ZNF423: variants seen among roughly 807,000 people sequenced by gnomAD.
ZNF423 encodes the protein zinc finger protein 423.
A neutral mutation model predicts 95.8 loss-of-function variants in ZNF423; 12 were observed. The observed-to-expected ratio is 0.13, with a 90% CI of 0.08 to 0.20. The LOEUF (loss-of-function observed/expected upper bound fraction) is 0.20. ZNF423 is among the 10% of genes least tolerant of loss of function. The pLI, the probability that ZNF423 is intolerant of heterozygous loss-of-function variation, is 1.00. For synonymous variants in ZNF423, 749 were observed against 711.9 expected, an observed-to-expected ratio of 1.05 and a Z score of -0.83; for missense variants, 1,316 against 1,737.1, an observed-to-expected ratio of 0.76 and a Z score of 4.31.
At chr16:49,533,461 C>A (rs952033156) in intron 5 of ZNF423, among the ~76,000 whole-genome samples, 1 of 152,200 alleles carries the variant, frequency 6.6e-6, no homozygotes, top group African/African-American at 2.4e-5. Context: ...GTACTTTGCT[C>A]GCTCTCTCCT....
intron 2 of ZNF423, among the ~76,000 whole-genome samples, chr16:49,771,192 C>CT (rs71380376): frequency 0.022 from 1,957 of 89,478 alleles, 75 homozygotes; most frequent in African/African-American, 0.056. Flanking sequence ...TTTTTTTTTT[C>CT]TTTTTTTTTT....
At chr16:49,502,790 GACACACACAC>G (rs72202996) in intron 7 of ZNF423, among the ~76,000 whole-genome samples, 18,384 of 135,060 alleles carry the variant, frequency 0.14, 1,581 homozygotes, top group African/African-American at 0.23. Context: ...AAATACTCTA[GACACACACAC>G]ACACACACAC....
At chr16:49,565,136 C>A (rs908361219) in intron 5 of ZNF423, among the ~76,000 whole-genome samples, 1 of 152,158 alleles carries the variant, frequency 6.6e-6, no homozygotes, top group African/African-American at 2.4e-5. Flanking sequence ...TCTATCAGCA[C>A]GGCGCCGCAG....
intron 5 of ZNF423, among the ~76,000 whole-genome samples, chr16:49,556,499 G>A (rs1186027306): frequency 6.6e-6 from 1 of 152,138 alleles, no homozygotes; most frequent in Non-Finnish European, 1.5e-5. Context: ...GGCCCCCACA[G>A]CCCCCAGTTC....
intron 1 of ZNF423, among the ~76,000 whole-genome samples, chr16:49,806,711 A>C (rs2034668849): frequency 6.6e-6 from 1 of 150,986 alleles, no homozygotes; most frequent in Non-Finnish European, 1.5e-5. Context: ...TCTTCCTCAT[A>C]CTTTTTTTGT....
In ZNF423 at chr16:49,523,755, G is replaced by A. The variant is rs753927883; in HGVS notation, c.3734-16C>T. The A allele has an allele frequency of 1.9e-6, 3 of 1,607,558 alleles. No individual in the cohort carries two copies. The highest frequency in any genetic ancestry group is 1.7e-5 in the Admixed American group (1 of 60,012). On this transcript the variant is annotated splice_polypyrimidine_tract_variant and intron_variant, in intron 6 of 7. Coordinates refer to ENST00000563137, the MANE Select transcript of ZNF423 (RefSeq NM_001379286.1). ...TGGACGAAGACTAGACACAGACACGGCTGTCAGGGCCAAGCTCAGGACACC... is the reference window on the plus strand; with the variant it reads ...TGGACGAAGACTAGACACAGACACGACTGTCAGGGCCAAGCTCAGGACACC...
At chr16:49,545,200 G>A (rs112767478) in intron 5 of ZNF423, among the ~76,000 whole-genome samples, 110 of 152,338 alleles carry the variant, frequency 7.2e-4, no homozygotes, top group African/African-American at 2.5e-3. Flanking sequence ...TAAGCTGGAT[G>A]GAGGTGGCAT....
chr16:49,617,589 C>G (rs530063370), intron 5 of ZNF423, among the ~76,000 whole-genome samples: 94 of 152,322 alleles, frequency 6.2e-4, no homozygotes, highest in African/African-American at 2.0e-3. Flanking sequence ...ATCTCCCTCA[C>G]TTCCATCCTT....
At chr16:49,687,155 A>G (rs980696015) in intron 3 of ZNF423, among the ~76,000 whole-genome samples, 1 of 151,994 alleles carries the variant, frequency 6.6e-6, no homozygotes, top group Non-Finnish European at 1.5e-5. Context: ...GTTTATTAAC[A>G]TCCACTAATA....
chr16:49,722,815 A>G (rs1935781115), intron 3 of ZNF423, among the ~76,000 whole-genome samples: 1 of 152,172 alleles, frequency 6.6e-6, no homozygotes, highest in Non-Finnish European at 1.5e-5. Flanking sequence ...TAAGACCCCA[A>G]GCCTGGACAT....
chr16:49,727,471 C>T (rs1289396878), intron 3 of ZNF423, among the ~76,000 whole-genome samples: 1 of 150,312 alleles, frequency 6.7e-6, no homozygotes. Flanking sequence ...GAGCAAAACG[C>T]TGCCCCCAAT....
intron 3 of ZNF423, among the ~76,000 whole-genome samples, chr16:49,674,399 G>A (rs570393597): frequency 6.6e-6 from 1 of 152,180 alleles, no homozygotes; most frequent in Non-Finnish European, 1.5e-5. Context: ...TCCTGGCCAT[G>A]TGCATACGTG....
chr16:49,510,671 T>C (rs1050081081), intron 7 of ZNF423, among the ~76,000 whole-genome samples: 1 of 152,202 alleles, frequency 6.6e-6, no homozygotes, highest in African/African-American at 2.4e-5. Context: ...AGGCCCCATG[T>C]CTTCCCGTGT....
At chr16:49,731,593 G>C (rs143407416) in intron 2 of ZNF423, among the ~76,000 whole-genome samples, 4 of 152,086 alleles carry the variant, frequency 2.6e-5, no homozygotes, top group African/African-American at 4.8e-5. Flanking sequence ...TGGGAAAATT[G>C]CTGAAGGCCT....
intron 3 of ZNF423, among the ~76,000 whole-genome samples, chr16:49,706,837 G>A (rs1436030170): frequency 4.6e-5 from 7 of 152,098 alleles, no homozygotes; most frequent in South Asian, 2.1e-4. Context: ...TAATGGCTCC[G>A]GGCACCAACA....
At chr16:49,723,849 C>G (rs2032934233) in intron 3 of ZNF423, among the ~76,000 whole-genome samples, 1 of 152,100 alleles carries the variant, frequency 6.6e-6, no homozygotes, top group Non-Finnish European at 1.5e-5. Context: ...GCAGGGACAC[C>G]CTTCTCATAC....
chr16:49,590,336 C>T (rs1970972658), intron 5 of ZNF423, among the ~76,000 whole-genome samples: 1 of 152,048 alleles, frequency 6.6e-6, no homozygotes, highest in African/African-American at 2.4e-5. Flanking sequence ...GCCGGGCAGT[C>T]CCCCATTCCC....
intron 3 of ZNF423, among the ~76,000 whole-genome samples, chr16:49,643,755 A>AC (rs1973062941): frequency 6.6e-6 from 1 of 152,184 alleles, no homozygotes; most frequent in Non-Finnish European, 1.5e-5. Context: ...AAAAGGCCAA[A>AC]TAGGAAATGG....
chr16:49,543,453 A>T (rs1350009832), intron 5 of ZNF423, among the ~76,000 whole-genome samples: 1 of 152,174 alleles, frequency 6.6e-6, no homozygotes, highest in East Asian at 1.9e-4. Flanking sequence ...TCAGCGCTCC[A>T]GAGGCAGCTC....
Sources: gnomAD v4.1 joint callset for allele counts (sites outside exome capture counted in the v4.1 genomes callset) on GRCh38, gnomAD v4.1.1 for gene constraint, MANE v1.5 for transcripts, NCBI Gene and HGNC (gene_info 2026-07-23, HGNC 2026-07-21) for gene names.